The following MYOZ2 variants were observed in gnomAD, a reference collection of about 807,000 sequenced individuals.
MYOZ2 encodes the protein myozenin 2.
A neutral mutation model predicts 25.4 loss-of-function variants in MYOZ2; 19 were observed. That is an observed-to-expected ratio of 0.75 (90% CI 0.52 to 1.10). The LOEUF (loss-of-function observed/expected upper bound fraction) is 1.10. MYOZ2 is among the 50% of genes least tolerant of loss of function. The probability of loss-of-function intolerance (pLI) is 0.00; values close to 1 mark genes in which losing one functional copy is unlikely to be tolerated. For missense variants in MYOZ2, 270 were observed against 317.9 expected, an observed-to-expected ratio of 0.85 and a Z score of 1.15; for synonymous variants, 92 against 106.9, an observed-to-expected ratio of 0.86 and a Z score of 0.86.
chr4:119,178,716 G>T (rs767627587), intron 5 of MYOZ2, among the ~76,000 whole-genome samples: 2 of 152,020 alleles, frequency 1.3e-5, no homozygotes, highest in Non-Finnish European at 2.9e-5. Flanking sequence ...AAGTGATTCT[G>T]CTGCCTCAGC....
In MYOZ2 at chr4:119,176,229, C is replaced by CA. The variant is rs1443540184; in HGVS notation, c.561-9737_561-9736insA. 2.0e-5 allele frequency among the ~76,000 whole-genome samples: 3 copies of CA among 150,788 alleles called. No individual in the cohort carries two copies. In the East Asian group the frequency reaches 5.9e-4, roughly 29 times the overall value. ...ATGGGTGAATCAACCATTGAACAAA[C>CA]TTTTTTTTTTAAAACAGTCTCACTC... On this transcript the variant is annotated intron_variant, in intron 5 of 5. Coordinates refer to ENST00000307128, the MANE Select transcript of MYOZ2 (RefSeq NM_016599.5).
intron 5 of MYOZ2, among the ~76,000 whole-genome samples, chr4:119,180,147 G>C (rs1381128712): frequency 6.6e-6 from 1 of 152,130 alleles, no homozygotes; most frequent in Non-Finnish European, 1.5e-5. Flanking sequence ...GGTGTTTCAG[G>C]CTAGCTAGTC....
intron 5 of MYOZ2, 30 bp downstream of exon 5, chr4:119,164,424 G>A (rs1364998478): frequency 6.2e-7 from 1 of 1,612,086 alleles, no homozygotes; most frequent in Non-Finnish European, 8.5e-7. Context: ...TGACACTGTT[G>A]GCATGCAATA....
chr4:119,150,819 G>A (rs1480114866), intron 2 of MYOZ2, 53 bp from the exon 3 acceptor site: 1 of 1,527,234 alleles, frequency 6.5e-7, no homozygotes, highest in Non-Finnish European at 9.1e-7. Flanking sequence ...ATTTATAAAA[G>A]CATTAAAAAT....
At chr4:119,136,392 T>G in intron 1 of MYOZ2, 120 bp from the exon 2 acceptor site, 1 of 860,930 alleles carries the variant, frequency 1.2e-6, no homozygotes, top group Non-Finnish European at 1.9e-6. Context: ...AGTCTTTCAG[T>G]AGCAAGCGAT....
chr4:119,140,245 A>G (rs1741132488), intron 2 of MYOZ2, among the ~76,000 whole-genome samples: 2 of 152,234 alleles, frequency 1.3e-5, no homozygotes, highest in African/African-American at 2.4e-5. Context: ...GAAAAAGTAC[A>G]AAGTCTAGAA....
chr4:119,186,270 C>A lies in MYOZ2; in HGVS notation c.*70C>A. On this transcript the variant is annotated 3_prime_UTR_variant, in exon 6 of 6. Coordinates refer to ENST00000307128, the MANE Select transcript of MYOZ2 (RefSeq NM_016599.5). The stretch of plus-strand genomic sequence containing the variant: ...GCTGTTCTACTATTTTAACTACTGG[C>A]AAAGCCACTTGCATTTTTCATTAGT... 7.9e-7 allele frequency: 1 copy of A among 1,267,110 alleles called. No homozygotes were observed. The highest frequency in any genetic ancestry group is 1.1e-6 in the Non-Finnish European group (1 of 885,382). 78.5% of individuals were successfully genotyped at this position (1,267,110 alleles called of 1,614,324 possible).
intron 2 of MYOZ2, among the ~76,000 whole-genome samples, chr4:119,148,678 T>C (rs893283722): frequency 2.0e-5 from 3 of 151,188 alleles, no homozygotes; most frequent in Admixed American, 6.6e-5. Flanking sequence ...TATTTTGAGT[T>C]CTAAAATTTT....
chr4:119,145,506 CTGTGTGTGTGTGTGTGTG>C (rs200111377), intron 2 of MYOZ2, among the ~76,000 whole-genome samples: 1 of 128,198 alleles, frequency 7.8e-6, no homozygotes, highest in African/African-American at 2.9e-5. Flanking sequence ...CCAGCTAAAA[CTGTGTGTGTGTGTGTGTG>C]TGTGTGTGTG....
rs1344803115 is a variant in MYOZ2 at position 119,186,214 on chromosome 4, T to A, written c.*14T>A. ...GAAGACCTATGAAAAGAAAGTTGTA[T>A]GTGCCACATAAAACTCTGAATATAA... On this transcript the variant is annotated 3_prime_UTR_variant, in exon 6 of 6. Coordinates refer to ENST00000307128, the MANE Select transcript of MYOZ2 (RefSeq NM_016599.5). The A allele has an allele frequency of 6.3e-7, 1 of 1,592,302 alleles. No individual in the cohort carries two copies. The highest frequency in any genetic ancestry group is 8.6e-7 in the Non-Finnish European group (1 of 1,160,888).
At position 119,186,328 on chromosome 4, in the gene MYOZ2, C is replaced by G; in HGVS notation, c.*128C>G. ...ATAGCAATTTAGTGATTTTCCTTTT[C>G]TGACATTCAATTTCAATCTCAGATC... On this transcript the variant is annotated 3_prime_UTR_variant, in exon 6 of 6. Transcript: ENST00000307128. 1 of 712,604 alleles carries G rather than the reference C, an allele frequency of 1.4e-6. No homozygotes were observed. The highest frequency in any genetic ancestry group is 2.3e-6 in the Non-Finnish European group (1 of 426,258). The allele number at this position is 712,604 out of a possible 1,614,324, so 44.1% of individuals were successfully genotyped here.
intron 2 of MYOZ2, among the ~76,000 whole-genome samples, chr4:119,149,289 G>A (rs532039456): frequency 9.2e-5 from 14 of 152,294 alleles, no homozygotes; most frequent in African/African-American, 3.1e-4. Flanking sequence ...CTTCCCACTC[G>A]GTCTCTCTGA....
intron 5 of MYOZ2, among the ~76,000 whole-genome samples, chr4:119,166,697 C>G (rs907504768): frequency 3.9e-5 from 6 of 152,118 alleles, no homozygotes; most frequent in African/African-American, 1.4e-4. Flanking sequence ...TTGTGGCAAC[C>G]CTGTGTCAAG....
At chr4:119,142,483 A>C (rs937986959) in intron 2 of MYOZ2, among the ~76,000 whole-genome samples, 5 of 152,196 alleles carry the variant, frequency 3.3e-5, no homozygotes, top group Middle Eastern at 3.2e-3. Flanking sequence ...GAGACTCCAA[A>C]CACTTGCAAA....
intron 3 of MYOZ2, 108 bp from the exon 4 acceptor site, chr4:119,157,914 C>G (rs1741617421): frequency 1.5e-6 from 2 of 1,361,864 alleles, no homozygotes; most frequent in Non-Finnish European, 2.1e-6. Context: ...AATGAAGCGA[C>G]ATTGCATTTA....
rs540464629 is a variant in MYOZ2, at chr4:119,187,475, G to T, written c.*1275G>T. On this transcript the variant is annotated 3_prime_UTR_variant, in exon 6 of 6. Coordinates refer to ENST00000307128, the MANE Select transcript of MYOZ2 (RefSeq NM_016599.5). Reference sequence around the variant, plus strand: ...TTACAAAAAAAAATCTGTGTTTGTAGTGTGGAAGTTGGTGACTGTTTTAAT... The same window carrying T: ...TTACAAAAAAAAATCTGTGTTTGTATTGTGGAAGTTGGTGACTGTTTTAAT... 6.6e-6 allele frequency: 1 copy of T among 152,094 alleles called. No homozygotes were observed. Among genetic ancestry groups the T allele is most frequent in the South Asian group, 2.1e-4 (1 of 4,830 alleles). 9.4% of individuals were successfully genotyped at this position (152,094 alleles called of 1,614,324 possible). A position where few individuals can be genotyped will look rare whatever the true frequency, so the allele number is the denominator to read the frequency against.
chr4:119,168,434 C>A lies in MYOZ2; in HGVS notation c.560+4040C>A, dbSNP rs115774443. 8.3e-3 allele frequency among the ~76,000 whole-genome samples: 1,268 copies of A among 152,146 alleles called. 17 individuals carry two copies. The highest frequency in any genetic ancestry group is 0.029 in the African/African-American group (1,194 of 41,504). On this transcript the variant is annotated intron_variant, in intron 5 of 5. Transcript: ENST00000307128. ...TGATCTGGGCAAAGTAAATTGAAAA[C>A]CTTCTGAAAAGAATTCACCATTCTA...
intron 3 of MYOZ2, among the ~76,000 whole-genome samples, chr4:119,155,519 A>G (rs767187594): frequency 1.3e-5 from 2 of 152,136 alleles, no homozygotes; most frequent in Non-Finnish European, 2.9e-5. Flanking sequence ...CTTAGAGGAA[A>G]CCTAGGATTT....
At position 119,186,941 on chromosome 4, in the gene MYOZ2, T is replaced by G. The variant is rs1309788147; in HGVS notation, c.*741T>G. The G allele has an allele frequency of 6.6e-6, 1 of 152,262 alleles. No homozygotes were observed. The highest frequency in any genetic ancestry group is 1.5e-5 in the Non-Finnish European group (1 of 68,056). 9.4% of individuals were successfully genotyped at this position (152,262 alleles called of 1,614,324 possible). On this transcript the variant is annotated 3_prime_UTR_variant, in exon 6 of 6. Coordinates refer to ENST00000307128, the MANE Select transcript of MYOZ2 (RefSeq NM_016599.5). ...AAATCCCAATGCTGTGCATTGATTA[T>G]GTTCAACTTTATGTGTGCATTCTTA...
Sources: allele counts gnomAD v4.1 joint callset (sites outside exome capture counted in the v4.1 genomes callset), GRCh38; gene constraint gnomAD v4.1.1; transcripts MANE v1.5; gene names NCBI Gene and HGNC (gene_info 2026-07-23, HGNC 2026-07-21).